Variants in PDLIM3 observed in about 807,000 individuals in gnomAD.
PDLIM3 encodes the protein PDZ and LIM domain protein 3.
PDLIM3 carries 36 observed loss-of-function variants against 37.3 expected under a neutral mutation model. The observed-to-expected ratio is 0.97, with a 90% CI of 0.74 to 1.28. The LOEUF (loss-of-function observed/expected upper bound fraction) is 1.28. Among genes scored for constraint, PDLIM3 ranks in the 50% most tolerant of loss-of-function variants. The probability of loss-of-function intolerance (pLI) is 0.00; values close to 1 mark genes in which losing one functional copy is unlikely to be tolerated. For synonymous variants in PDLIM3, 174 were observed against 182.4 expected (o/e 0.95, Z 0.37); for missense variants, 454 against 485.0 (o/e 0.94, Z 0.60).
chr4:185,526,929 T>G (rs1561203170), intron 1 of PDLIM3, among the ~76,000 whole-genome samples: 1 of 152,242 alleles, frequency 6.6e-6, no homozygotes. Flanking sequence ...CTCATCATTT[T>G]TCACCATTAC....
intron 4 of PDLIM3, 87 bp from the exon 5 acceptor site, chr4:185,508,649 G>T: frequency 7.2e-7 from 1 of 1,382,614 alleles, no homozygotes; most frequent in South Asian, 1.2e-5. Flanking sequence ...GTACAGAGAG[G>T]TTAAAAGGAA....
chr4:185,533,551 A>G (rs2095748279), intron 1 of PDLIM3, among the ~76,000 whole-genome samples: 1 of 152,232 alleles, frequency 6.6e-6, no homozygotes, highest in Non-Finnish European at 1.5e-5. Flanking sequence ...GCCATAATCA[A>G]GTGAAATCAT....
chr4:185,529,551 C>T (rs759527525), intron 1 of PDLIM3, among the ~76,000 whole-genome samples: 7 of 152,188 alleles, frequency 4.6e-5, no homozygotes, highest in Non-Finnish European at 4.4e-5. Flanking sequence ...ATAGACTCCG[C>T]GTGCCTCCTT....
At position 185,514,195 on chromosome 4, in the gene PDLIM3, T is replaced by C. The variant is rs1247448312; in HGVS notation, c.398+75A>G. 3.1e-6 allele frequency: 5 copies of C among 1,613,722 alleles called. No homozygotes were observed. In the African/African-American group the frequency reaches 6.7e-5, roughly 22 times the overall value. ...AAAGCCACTCCAAACATCTACCAGT[T>C]ACTTTTCTTGATGATTAGTAAGAAC... On this transcript the variant is annotated intron_variant, in intron 4 of 7. Coordinates refer to ENST00000284767, the MANE Select transcript of PDLIM3 (RefSeq NM_014476.6). The surrounding 1 kb of genome is among the most constrained non-coding windows in gnomAD (Gnocchi z 4.0).
intron 1 of PDLIM3, among the ~76,000 whole-genome samples, chr4:185,533,059 G>A (rs113333441): frequency 3.3e-5 from 5 of 152,162 alleles, no homozygotes; most frequent in Admixed American, 1.3e-4. Flanking sequence ...GATCATCGGC[G>A]GGTTAATAAA....
chr4:185,534,677 C>T (rs748165456), intron 1 of PDLIM3, among the ~76,000 whole-genome samples: 2 of 152,196 alleles, frequency 1.3e-5, no homozygotes, highest in Non-Finnish European at 2.9e-5. Flanking sequence ...AACTGTCTGC[C>T]ACGTTTTCTT....
intron 4 of PDLIM3, chr4:185,513,539 G>A: frequency 2.0e-6 from 2 of 980,536 alleles, no homozygotes; most frequent in Non-Finnish European, 2.4e-6. Context: ...TTAAACAAAA[G>A]AATTAAATAA....
chr4:185,506,272 C>T (rs1936520732), intron 6 of PDLIM3, among the ~76,000 whole-genome samples: 1 of 152,176 alleles, frequency 6.6e-6, no homozygotes, highest in Non-Finnish European at 1.5e-5. Flanking sequence ...TAGCCCTTGA[C>T]TACCATTAAT....
rs764497554 is a variant in PDLIM3, at chr4:185,504,568, G to A, written c.812C>T (p.Thr271Met). Residue 271 changes from threonine (T) to methionine (M), a missense_variant, in exon 7 of 8, where the codon ACG (threonine) becomes ATG (methionine). Physicochemically the swap from Thr to Met is moderately conservative, Grantham distance 81. Coordinates refer to ENST00000284767, the MANE Select transcript of PDLIM3 (RefSeq NM_014476.6). This position sits in a 1 kb window ranked among gnomAD's most constrained non-coding sequence, Gnocchi z 4.7. ...CGTCACCGGAGCTCTCACACTCCGC[G>A]TTCCAGCCGGACGGTCATCTGAAAA... ...DDGSDDRPAGTRSVRAPVTKV... is the reference protein window; with the variant it reads ...DDGSDDRPAGMRSVRAPVTKV... 26 of 1,613,952 alleles carry A rather than the reference G, an allele frequency of 1.6e-5. No individual in the cohort carries two copies. Among genetic ancestry groups the A allele is most frequent in the Admixed American group, 1.3e-4 (8 of 60,018 alleles).
intron 2 of PDLIM3, among the ~76,000 whole-genome samples, chr4:185,524,274 G>T (rs775385030): frequency 2.0e-4 from 31 of 152,310 alleles, no homozygotes; most frequent in Admixed American, 6.5e-4. Context: ...GAGAGTGAAA[G>T]AATCTATTTC....
chr4:185,509,458 A>G (rs971310481), intron 4 of PDLIM3, among the ~76,000 whole-genome samples: 1 of 152,194 alleles, frequency 6.6e-6, no homozygotes, highest in African/African-American at 2.4e-5. Flanking sequence ...TTATTAAAAC[A>G]TCAAAGGCCA....
chr4:185,513,364 C>T, intron 4 of PDLIM3: 1 of 985,012 alleles, frequency 1.0e-6, no homozygotes, highest in Non-Finnish European at 1.2e-6. Flanking sequence ...GACCTGCTAT[C>T]CGCAGCTTAT....
intron 2 of PDLIM3, among the ~76,000 whole-genome samples, chr4:185,523,869 C>A (rs977686957): frequency 6.6e-6 from 1 of 151,778 alleles, no homozygotes; most frequent in Non-Finnish European, 1.5e-5. Context: ...CCGCCCAGTT[C>A]GGCCTCCCAA....
At chr4:185,513,676 C>T in intron 4 of PDLIM3, 18 of 994,342 alleles carry the variant, frequency 1.8e-5, no homozygotes, top group Non-Finnish European at 2.2e-5. Context: ...GGCTGACTGG[C>T]TTAGCTGAGG....
chr4:185,526,126 G>A (rs1288441105), intron 1 of PDLIM3, among the ~76,000 whole-genome samples: 1 of 152,194 alleles, frequency 6.6e-6, no homozygotes, highest in Non-Finnish European at 1.5e-5. Context: ...CATGGAGCAG[G>A]GCATGGAGGA....
intron 3 of PDLIM3, among the ~76,000 whole-genome samples, chr4:185,517,899 G>T (rs1167384491): frequency 6.6e-6 from 1 of 152,128 alleles, no homozygotes; most frequent in African/African-American, 2.4e-5. Context: ...TTACATCATT[G>T]TTGATGGTCA....
Position 185,502,365 on chromosome 4 carries a change from C to A in PDLIM3, c.1024G>T (p.Glu342Ter), listed in dbSNP as rs368815493. Residue 342 changes from glutamate to a stop codon, truncating the protein, a stop_gained, in exon 8 of 8, where the codon GAA (glutamate) becomes TAA (stop). Coordinates refer to ENST00000284767, the MANE Select transcript of PDLIM3 (RefSeq NM_014476.6). LOFTEE classifies it high-confidence loss of function. Reference protein sequence around the residue: ...YFFIEGELYCETHARARTKPP... With the variant: ...YFFIEGELYC ...TTTGTGCGGGCTCTTGCGTGGGTTT[C>A]GCAGTACAGCTCCCCTTCTATGAAG... The A allele has an allele frequency of 6.2e-7, 1 of 1,614,192 alleles. No individual in the cohort carries two copies. Among genetic ancestry groups the A allele is most frequent in the Non-Finnish European group, 8.5e-7 (1 of 1,180,046 alleles).
At position 185,501,635 on chromosome 4, in the gene PDLIM3, TG is replaced by T. The variant is rs2095687196; in HGVS notation, c.*658del. On this transcript the variant is annotated 3_prime_UTR_variant, in exon 8 of 8. Coordinates refer to ENST00000284767, the MANE Select transcript of PDLIM3 (RefSeq NM_014476.6). ...AGAAAGAGTAATGAGTTATAAAACCTGAAGAAGCCACATTTATCTTAAAATA... is the reference window on the plus strand; with the variant it reads ...AGAAAGAGTAATGAGTTATAAAACCTAAGAAGCCACATTTATCTTAAAATA... 1.3e-5 allele frequency: 2 copies of T among 152,862 alleles called. No homozygotes were observed. The highest frequency in any genetic ancestry group is 4.1e-4 in the South Asian group (2 of 4,858). 9.5% of individuals were successfully genotyped at this position (152,862 alleles called of 1,614,324 possible).
chr4:185,515,120 C>A, intron 3 of PDLIM3: 1 of 337,802 alleles, frequency 3.0e-6, no homozygotes, highest in Non-Finnish European at 5.3e-6. Flanking sequence ...CCTTATTTAA[C>A]ATATTATAAA....
Sources: allele counts gnomAD v4.1 joint callset (sites outside exome capture counted in the v4.1 genomes callset), GRCh38; gene constraint gnomAD v4.1.1; non-coding constraint Gnocchi (gnomAD v3.1); transcripts MANE v1.5; gene names NCBI Gene and HGNC (gene_info 2026-07-23, HGNC 2026-07-21).